Variants in WWTR1 observed in about 807,000 individuals in gnomAD.
WWTR1 encodes the protein WW domain-containing transcription regulator protein 1.
In WWTR1, 13 loss-of-function variants were observed where a neutral mutation model predicts 40.1. That is an observed-to-expected ratio of 0.32 (90% CI 0.21 to 0.52). The LOEUF is 0.52. Ranked by LOEUF, WWTR1 falls within the 20% of genes least tolerant of loss-of-function variation. The pLI, the probability that WWTR1 is intolerant of heterozygous loss-of-function variation, is 0.97. For missense variants in WWTR1, 436 were observed against 523.1 expected (o/e 0.83, Z 1.63); for synonymous variants, 230 against 210.1 (o/e 1.09, Z -0.82).
chr3:149,553,370 A>G (rs1736694147), intron 3 of WWTR1, among the ~76,000 whole-genome samples: 1 of 152,140 alleles, frequency 6.6e-6, no homozygotes, highest in Admixed American at 6.5e-5. Flanking sequence ...CCTTTTCCCT[A>G]TTTCATGAAA....
chr3:149,657,002 G>C lies in WWTR1; in HGVS notation c.305C>G (p.Ala102Gly). 1 of 1,597,664 alleles carries C rather than the reference G, an allele frequency of 6.3e-7. No homozygotes were observed. The highest frequency in any genetic ancestry group is 1.3e-5 in the African/African-American group (1 of 74,798). The stretch of plus-strand genomic sequence containing the variant: ...GTGCTGCTGCGCGGGGCTACCCGCA[G>C]CACCCGCGCCGGTGCCCAGCTGCAG... ...ASLQLGTGAG[A>G]AGSPAQQHAH... The change falls in exon 2 of 7, where the codon GCT becomes GGT. Residue 102 changes from alanine to glycine, a missense_variant. Coordinates refer to ENST00000360632, the MANE Select transcript of WWTR1 (RefSeq NM_015472.6).
rs146601104 is a variant in WWTR1 at position 149,635,042 on chromosome 3, G to C, written c.431+21834C>G. On this transcript the variant is annotated intron_variant, in intron 2 of 6. Transcript: ENST00000360632. ...AGGGAGAAACACATTCTGTGATCTT[G>C]ACCAAAGAGCCCTGTATAATCAGAA... Among the ~76,000 whole-genome samples, 680 of 152,286 alleles carry C rather than the reference G, an allele frequency of 4.5e-3. 1 individual carries two copies. Among genetic ancestry groups the C allele is most frequent in the East Asian group, 0.011 (56 of 5,184 alleles).
intron 2 of WWTR1, among the ~76,000 whole-genome samples, chr3:149,638,733 T>C (rs1010653395): frequency 6.6e-6 from 1 of 152,202 alleles, no homozygotes; most frequent in Non-Finnish European, 1.5e-5. Context: ...TTATATCCGC[T>C]AGTCACGCTA....
At chr3:149,568,077 C>T (rs1737417728) in intron 3 of WWTR1, among the ~76,000 whole-genome samples, 1 of 152,138 alleles carries the variant, frequency 6.6e-6, no homozygotes, top group African/African-American at 2.4e-5. Context: ...GGAAGGCCCA[C>T]AACCTACTTA....
chr3:149,627,966 G>C (rs1423865588), intron 2 of WWTR1, among the ~76,000 whole-genome samples: 1 of 152,052 alleles, frequency 6.6e-6, no homozygotes, highest in Non-Finnish European at 1.5e-5. Context: ...CCAGCTACTC[G>C]GGAGGCTGAG....
rs971771806 is a variant in WWTR1, at chr3:149,594,045, G to C, written c.432-21045C>G. Among the ~76,000 whole-genome samples the C allele has an allele frequency of 2.3e-4, 35 of 152,246 alleles. 1 individual carries two copies. The highest frequency in any genetic ancestry group is 3.4e-3 in the Middle Eastern group (1 of 294). On this transcript the variant is annotated intron_variant, in intron 2 of 6. Transcript: ENST00000360632. ...TTGGGTCAGAGACCTGCTTACGTGG[G>C]TGTGTTCAATTTGTGCAAATTCATC...
chr3:149,593,907 GAA>G (rs2108035975), intron 2 of WWTR1, among the ~76,000 whole-genome samples: 1 of 152,202 alleles, frequency 6.6e-6, no homozygotes, highest in East Asian at 1.9e-4. Context: ...CTTTTTCAGG[GAA>G]AGAGAAGAAA....
intron 3 of WWTR1, among the ~76,000 whole-genome samples, chr3:149,555,108 C>T (rs770804517): frequency 4.2e-4 from 64 of 152,218 alleles, no homozygotes; most frequent in Non-Finnish European, 9.1e-4. Context: ...TTTAAAACTA[C>T]TCCAGGTGCG....
rs540471983 is a variant in WWTR1 at position 149,718,335 on chromosome 3, C to T, written n.460-769G>A. Among the ~76,000 whole-genome samples, 5 of 151,898 alleles carry T rather than the reference C, an allele frequency of 3.3e-5. No individual in the cohort carries two copies. In the East Asian group the frequency reaches 5.8e-4, roughly 18 times the overall value. ...AAACAGATAGTAGAAAGCAGGAGAT[C>T]GTTACCAACCACTCATTCAGCCACA... On this transcript the variant is annotated intron_variant and non_coding_transcript_variant, in intron 4 of 6. Coordinates refer to the WWTR1 transcript ENST00000474080.
chr3:149,539,696 A>G (rs1735995831), intron 4 of WWTR1, among the ~76,000 whole-genome samples: 1 of 152,186 alleles, frequency 6.6e-6, no homozygotes, highest in African/African-American at 2.4e-5. Context: ...CTGGAAGGCA[A>G]CTAAACAAGT....
chr3:149,643,456 A>C (rs188436459), intron 2 of WWTR1, among the ~76,000 whole-genome samples: 1 of 152,344 alleles, frequency 6.6e-6, no homozygotes, highest in East Asian at 1.9e-4. Context: ...GATCATATCA[A>C]TTAGAGTCAT....
chr3:149,678,421 T>C (rs1455016431), intron 1 of WWTR1, among the ~76,000 whole-genome samples: 1 of 152,162 alleles, frequency 6.6e-6, no homozygotes, highest in Non-Finnish European at 1.5e-5. Context: ...AGGCCCTTTT[T>C]CCATAATGGC....
At chr3:149,637,134 C>A (rs1711868306) in intron 2 of WWTR1, among the ~76,000 whole-genome samples, 1 of 152,040 alleles carries the variant, frequency 6.6e-6, no homozygotes, top group African/African-American at 2.4e-5. Context: ...AATTTCACAT[C>A]AAACTTGCTA....
At chr3:149,722,726 T>C (rs1715783545) in intron 4 of WWTR1, among the ~76,000 whole-genome samples, 1 of 151,990 alleles carries the variant, frequency 6.6e-6, no homozygotes, top group Non-Finnish European at 1.5e-5. Context: ...CCAGTCTTTT[T>C]TCTGTTCCTC....
intron 4 of WWTR1, among the ~76,000 whole-genome samples, chr3:149,530,440 T>TA (rs1456997917): frequency 6.6e-6 from 1 of 151,828 alleles, no homozygotes; most frequent in African/African-American, 2.4e-5. Context: ...CTTCATGGGA[T>TA]AAAAAAATAC....
At chr3:149,681,181 A>T (rs189126981) in intron 1 of WWTR1, among the ~76,000 whole-genome samples, 3 of 152,366 alleles carry the variant, frequency 2.0e-5, no homozygotes, top group Admixed American at 2.0e-4. Flanking sequence ...AATCAAGATC[A>T]ACTTTTTAAA....
At chr3:149,583,706 G>T (rs989623076) in intron 2 of WWTR1, among the ~76,000 whole-genome samples, 14 of 152,154 alleles carry the variant, frequency 9.2e-5, no homozygotes, top group African/African-American at 3.4e-4. Flanking sequence ...ATGTATGTCG[G>T]GATTTGCTAG....
chr3:149,656,236 G>A (rs886320419), intron 2 of WWTR1, among the ~76,000 whole-genome samples: 1 of 152,148 alleles, frequency 6.6e-6, no homozygotes, highest in Admixed American at 6.5e-5. Context: ...TGGTATTTTA[G>A]GTTAACAAGT....
intron 2 of WWTR1, among the ~76,000 whole-genome samples, chr3:149,602,970 A>C (rs1185242038): frequency 6.6e-6 from 1 of 150,892 alleles, no homozygotes; most frequent in East Asian, 2.0e-4. Flanking sequence ...AGAAAAGCCT[A>C]ATTTTAAAGC....
Sources: allele counts gnomAD v4.1 joint callset (sites outside exome capture counted in the v4.1 genomes callset), GRCh38; gene constraint gnomAD v4.1.1; transcripts MANE v1.5; gene names NCBI Gene and HGNC (gene_info 2026-07-23, HGNC 2026-07-21).